PDE4D: variants seen among roughly 807,000 people sequenced by gnomAD.
PDE4D encodes phosphodiesterase 4D.
Under a neutral mutation model 87.4 loss-of-function variants are expected in PDE4D, and 24 were observed. That is an observed-to-expected ratio of 0.27 (90% CI 0.20 to 0.39). The LOEUF is 0.39. PDE4D is among the 10% of genes least tolerant of loss of function. PDE4D has a pLI of 1.00. For missense variants in PDE4D, 714 were observed against 1,041.0 expected (o/e 0.69, Z 4.32); for synonymous variants, 384 against 383.2 (o/e 1.00, Z -0.02).
chr5:60,429,674 GGTT>G (rs1482487249), intron 1 of PDE4D, among the ~76,000 whole-genome samples: 2 of 152,104 alleles, frequency 1.3e-5, no homozygotes, highest in African/African-American at 4.8e-5. Context: ...TTAACATGAA[GGTT>G]GCTGAATTTT....
intron 1 of PDE4D, among the ~76,000 whole-genome samples, chr5:60,221,456 G>T (rs1259761634): frequency 6.6e-6 from 1 of 151,688 alleles, no homozygotes; most frequent in Non-Finnish European, 1.5e-5. Flanking sequence ...TGGCTTATTT[G>T]TCTTTCATGT....
At chr5:60,273,354 A>G (rs1738347514) in intron 1 of PDE4D, among the ~76,000 whole-genome samples, 1 of 152,216 alleles carries the variant, frequency 6.6e-6, no homozygotes, top group Non-Finnish European at 1.5e-5. Flanking sequence ...AAAATGGTAC[A>G]TACGGAAAAT....
At chr5:60,044,984 G>C (rs1562017260) in intron 2 of PDE4D, among the ~76,000 whole-genome samples, 1 of 152,202 alleles carries the variant, frequency 6.6e-6, no homozygotes, top group African/African-American at 2.4e-5. Flanking sequence ...CCCACCAACA[G>C]TGTGAAAGTG....
intron 1 of PDE4D, among the ~76,000 whole-genome samples, chr5:60,518,899 G>T (rs1258128342): frequency 6.6e-6 from 1 of 152,138 alleles, no homozygotes; most frequent in African/African-American, 2.4e-5. Flanking sequence ...TAGACAGATG[G>T]TATTTTGCAG....
At chr5:60,521,282 A>T (rs1751028774) in intron 1 of PDE4D, 1 of 152,236 alleles carries the variant, frequency 6.6e-6, no homozygotes, top group Admixed American at 6.5e-5. Flanking sequence ...AAAGTCTGAG[A>T]CACAAAAAAG....
intron 2 of PDE4D, among the ~76,000 whole-genome samples, chr5:60,103,933 G>A (rs1053938250): frequency 2.0e-5 from 3 of 152,126 alleles, no homozygotes; most frequent in East Asian, 1.9e-4. Context: ...CATGAGCGAC[G>A]CAGAAGACAG....
chr5:59,531,995 CT>C (rs1379712649), intron 1 of PDE4D, among the ~76,000 whole-genome samples: 1 of 152,168 alleles, frequency 6.6e-6, no homozygotes, highest in Non-Finnish European at 1.5e-5. Flanking sequence ...ATTCCTAGCA[CT>C]TACAGCAGCA....
intron 1 of PDE4D, among the ~76,000 whole-genome samples, chr5:59,609,377 T>C (rs868788464): frequency 3.4e-5 from 5 of 147,584 alleles, no homozygotes; most frequent in African/African-American, 5.0e-5. Flanking sequence ...TTTGTATATG[T>C]ACACACACAC....
chr5:59,796,462 C>T (rs924265743), intron 1 of PDE4D, among the ~76,000 whole-genome samples: 1 of 152,348 alleles, frequency 6.6e-6, no homozygotes, highest in Non-Finnish European at 1.5e-5. Context: ...CTTTTACCAA[C>T]TCCGTGACCT....
At chr5:59,223,082 C>A (rs1369945988) in intron 1 of PDE4D, among the ~76,000 whole-genome samples, 1 of 152,122 alleles carries the variant, frequency 6.6e-6, no homozygotes, top group African/African-American at 2.4e-5. Flanking sequence ...TGAATCAGCC[C>A]TTGCAATCAA....
upstream of PDE4D, among the ~76,000 whole-genome samples, chr5:59,896,118 CAT>C (rs1397761072): frequency 6.6e-6 from 1 of 152,124 alleles, no homozygotes; most frequent in Non-Finnish European, 1.5e-5. Flanking sequence ...ACTTCCTACC[CAT>C]GTTACTTTAG....
intron 1 of PDE4D, among the ~76,000 whole-genome samples, chr5:60,426,174 A>G (rs2150101934): frequency 6.6e-6 from 1 of 152,338 alleles, no homozygotes; most frequent in East Asian, 1.9e-4. Context: ...CAGCCATCCC[A>G]TTACTGGGTA....
At chr5:60,125,787 A>G (rs1019043806) in intron 2 of PDE4D, among the ~76,000 whole-genome samples, 1 of 152,232 alleles carries the variant, frequency 6.6e-6, no homozygotes, top group Non-Finnish European at 1.5e-5. Flanking sequence ...TTAAGGAATC[A>G]TCTAGTTTAT....
chr5:59,879,103 T>C (rs58873264), intron 1 of PDE4D, among the ~76,000 whole-genome samples: 153 of 152,078 alleles, frequency 1.0e-3, no homozygotes, highest in African/African-American at 3.6e-3. Flanking sequence ...GGTTTCACCA[T>C]GTTAGCCAGG....
intron 1 of PDE4D, among the ~76,000 whole-genome samples, chr5:60,504,623 G>T (rs749818587): frequency 2.0e-5 from 3 of 152,174 alleles, no homozygotes; most frequent in South Asian, 4.1e-4. Flanking sequence ...GCTCCAGGTT[G>T]AAGTTGATTG....
intron 1 of PDE4D, among the ~76,000 whole-genome samples, chr5:59,289,370 GC>G (rs1277135464): frequency 6.6e-6 from 1 of 151,582 alleles, no homozygotes; most frequent in Admixed American, 6.6e-5. Context: ...AAAATAAAAA[GC>G]AAAAAATTAA....
intron 5 of PDE4D, among the ~76,000 whole-genome samples, chr5:59,062,866 A>G (rs1251918276): frequency 1.3e-5 from 2 of 151,960 alleles, no homozygotes; most frequent in East Asian, 3.9e-4. Context: ...ATAACACTAC[A>G]TACATACATA....
intron 2 of PDE4D, among the ~76,000 whole-genome samples, chr5:60,071,999 A>G (rs1173587047): frequency 6.6e-6 from 1 of 152,124 alleles, no homozygotes; most frequent in Admixed American, 6.6e-5. Flanking sequence ...ATGTGTCTTT[A>G]TGATGAAACA....
intron 1 of PDE4D, among the ~76,000 whole-genome samples, chr5:60,510,943 C>G (rs954027541): frequency 6.6e-6 from 1 of 152,038 alleles, no homozygotes; most frequent in South Asian, 2.1e-4. Context: ...GAAATTCCTC[C>G]TGCCGTGGTA....
Sources: gnomAD v4.1 joint callset for allele counts (sites outside exome capture counted in the v4.1 genomes callset) on GRCh38, gnomAD v4.1.1 for gene constraint, MANE v1.5 for transcripts, NCBI Gene and HGNC (gene_info 2026-07-23, HGNC 2026-07-21) for gene names.